Variants in SPAG16 observed in about 807,000 individuals in gnomAD.
SPAG16 encodes the protein sperm associated antigen 16.
A neutral mutation model predicts 80.4 loss-of-function variants in SPAG16; 86 were observed. The observed-to-expected ratio is 1.07, with a 90% CI of 0.90 to 1.28. The LOEUF (loss-of-function observed/expected upper bound fraction) is 1.28. SPAG16 is among the 50% of genes most tolerant of loss of function. The pLI, the probability that SPAG16 is intolerant of heterozygous loss-of-function variation, is 0.00. For synonymous variants in SPAG16, 294 were observed against 265.9 expected (o/e 1.11, Z -1.03); for missense variants, 870 against 765.3 (o/e 1.14, Z -1.61).
intron 12 of SPAG16, among the ~76,000 whole-genome samples, chr2:213,988,287 C>G (rs1176931715): frequency 6.6e-6 from 1 of 152,040 alleles, no homozygotes; most frequent in African/African-American, 2.4e-5. Context: ...CACCCAACAA[C>G]AGTAGAATAT....
intron 13 of SPAG16, among the ~76,000 whole-genome samples, chr2:214,028,244 T>C (rs2048234453): frequency 6.6e-6 from 1 of 152,030 alleles, no homozygotes; most frequent in Non-Finnish European, 1.5e-5. Flanking sequence ...TGACATAGAA[T>C]AACAAGGAGT....
chr2:213,702,378 G>A (rs6435789), intron 10 of SPAG16, among the ~76,000 whole-genome samples: 1 of 152,098 alleles, frequency 6.6e-6, no homozygotes, highest in East Asian at 1.9e-4. Context: ...AAATCTTGCT[G>A]CTGCTGTTTG....
intron 15 of SPAG16, among the ~76,000 whole-genome samples, chr2:214,337,266 G>A (rs1697365684): frequency 6.6e-6 from 1 of 152,144 alleles, no homozygotes; most frequent in Admixed American, 6.5e-5. Flanking sequence ...GAAGCTTGTT[G>A]TAAAAATACT....
At chr2:213,796,671 T>C (rs2071052072) in intron 10 of SPAG16, among the ~76,000 whole-genome samples, 1 of 152,186 alleles carries the variant, frequency 6.6e-6, no homozygotes, top group South Asian at 2.1e-4. Context: ...TTAGTGGTGA[T>C]GCTGGTGTCA....
chr2:213,550,980 G>A (rs1249049316), intron 10 of SPAG16, among the ~76,000 whole-genome samples: 1 of 151,832 alleles, frequency 6.6e-6, no homozygotes, highest in African/African-American at 2.4e-5. Flanking sequence ...TACTTTTTAT[G>A]TATTACTATA....
At chr2:213,645,512 C>A (rs2125128956) in intron 10 of SPAG16, among the ~76,000 whole-genome samples, 2 of 152,254 alleles carry the variant, frequency 1.3e-5, no homozygotes, top group East Asian at 3.9e-4. Flanking sequence ...GCAGTGGGTT[C>A]TTTTCTGGCC....
chr2:213,895,420 A>G (rs10932510), intron 11 of SPAG16, among the ~76,000 whole-genome samples: 1 of 151,560 alleles, frequency 6.6e-6, no homozygotes, highest in African/African-American at 2.4e-5. Context: ...AAAAGCAATC[A>G]TAAAATTCCT....
intron 10 of SPAG16, among the ~76,000 whole-genome samples, chr2:213,734,011 A>G (rs1228374195): frequency 6.6e-6 from 1 of 152,194 alleles, no homozygotes; most frequent in African/African-American, 2.4e-5. Flanking sequence ...TACTAGATTT[A>G]GAAGTTCACA....
chr2:213,508,549 G>A (rs1040115430), intron 10 of SPAG16, among the ~76,000 whole-genome samples: 5 of 152,064 alleles, frequency 3.3e-5, no homozygotes, highest in Non-Finnish European at 4.4e-5. Flanking sequence ...TCTGCAGTCC[G>A]GCCTGGGCGA....
At chr2:214,305,044 AT>A (rs1694817035) in intron 15 of SPAG16, among the ~76,000 whole-genome samples, 1 of 152,044 alleles carries the variant, frequency 6.6e-6, no homozygotes, top group Non-Finnish European at 1.5e-5. Flanking sequence ...ATCTGTTATT[AT>A]TTGACTTTTC....
chr2:214,128,404 C>T (rs563687578), intron 14 of SPAG16, among the ~76,000 whole-genome samples: 6 of 151,774 alleles, frequency 4.0e-5, no homozygotes, highest in Non-Finnish European at 7.4e-5. Flanking sequence ...TTTTAAAACT[C>T]TAAGCTCTAC....
At chr2:213,344,178 GT>G (rs2064839055) in intron 6 of SPAG16, among the ~76,000 whole-genome samples, 1 of 152,098 alleles carries the variant, frequency 6.6e-6, no homozygotes, top group Non-Finnish European at 1.5e-5. Flanking sequence ...CCAGTACATA[GT>G]CACTCAATTA....
chr2:213,300,082 A>C (rs2062672488), intron 3 of SPAG16, among the ~76,000 whole-genome samples: 1 of 152,122 alleles, frequency 6.6e-6, no homozygotes, highest in Non-Finnish European at 1.5e-5. Flanking sequence ...GTTAATTTTC[A>C]AGGTACAATC....
chr2:214,353,190 G>A (rs147878433), intron 15 of SPAG16, among the ~76,000 whole-genome samples: 134 of 152,058 alleles, frequency 8.8e-4, no homozygotes, highest in African/African-American at 3.0e-3. Flanking sequence ...TGGAAAAAAT[G>A]CAGTCAAGAA....
intron 15 of SPAG16, among the ~76,000 whole-genome samples, chr2:214,174,258 G>T (rs1013653186): frequency 1.2e-4 from 18 of 151,948 alleles, no homozygotes; most frequent in African/African-American, 4.1e-4. Context: ...GGAAATAAAG[G>T]GTATTCAATT....
At chr2:214,171,993 T>A (rs2056884805) in intron 15 of SPAG16, among the ~76,000 whole-genome samples, 1 of 151,886 alleles carries the variant, frequency 6.6e-6, no homozygotes, top group South Asian at 2.1e-4. Flanking sequence ...TGAGACAAGA[T>A]CAGCTAAAAT....
At chr2:214,381,430 G>C (rs1559258319) in intron 15 of SPAG16, among the ~76,000 whole-genome samples, 1 of 152,100 alleles carries the variant, frequency 6.6e-6, no homozygotes, top group African/African-American at 2.4e-5. Context: ...TAAAGATGTT[G>C]CCTATTTTCA....
chr2:214,019,105 A>T, intron 13 of SPAG16, among the ~76,000 whole-genome samples: 1 of 152,134 alleles, frequency 6.6e-6, no homozygotes, highest in Non-Finnish European at 1.5e-5. Context: ...GAAAGATAAG[A>T]TTGCTTTATT....
intron 10 of SPAG16, among the ~76,000 whole-genome samples, chr2:213,858,671 T>C (rs1187634570): frequency 6.6e-6 from 1 of 152,142 alleles, no homozygotes; most frequent in Non-Finnish European, 1.5e-5. Context: ...TGAATTTATG[T>C]ATGCAATGTT....
Sources: allele counts gnomAD v4.1 joint callset (sites outside exome capture counted in the v4.1 genomes callset), GRCh38; gene constraint gnomAD v4.1.1; transcripts MANE v1.5; gene names NCBI Gene and HGNC (gene_info 2026-07-23, HGNC 2026-07-21).